VPS13A: variants seen among roughly 807,000 people sequenced by gnomAD.
The protein encoded by VPS13A is vacuolar protein sorting 13 homolog A.
VPS13A carries 264 observed loss-of-function variants against 390.9 expected under a neutral mutation model. The ratio of observed to expected loss-of-function variants is 0.68; its 90% CI spans 0.61 to 0.75. The LOEUF (loss-of-function observed/expected upper bound fraction) is 0.75, where lower values mean the gene tolerates loss of function less well. VPS13A is among the 30% of genes least tolerant of loss of function. The pLI is 0.00. For synonymous variants in VPS13A, 1,231 were observed against 1,227.1 expected (o/e 1.00, Z -0.07); for missense variants, 3,409 against 3,733.9 (o/e 0.91, Z 2.27).
In VPS13A at chr9:77,220,263, T is replaced by A. The variant is rs1307771361; in HGVS notation, c.883-14T>A. On this transcript the variant is annotated splice_polypyrimidine_tract_variant and intron_variant, in intron 11 of 71. Coordinates refer to ENST00000360280, the MANE Select transcript of VPS13A (RefSeq NM_033305.3). Reference sequence around the variant, plus strand: ...ATGTGATACATTTAAGAGCTTTAATTTTCCATTCTTTAGTATTTCAGTATT... The same window carrying A: ...ATGTGATACATTTAAGAGCTTTAATATTCCATTCTTTAGTATTTCAGTATT... 1 of 1,601,652 alleles carries A rather than the reference T, an allele frequency of 6.2e-7. No homozygotes were observed. The highest frequency in any genetic ancestry group is 8.5e-7 in the Non-Finnish European group (1 of 1,171,500).
chr9:77,297,022 T>C (rs150748684), intron 33 of VPS13A, among the ~76,000 whole-genome samples: 274 of 152,300 alleles, frequency 1.8e-3, no homozygotes, highest in Middle Eastern at 3.4e-3. Flanking sequence ...TCTGCCTTTG[T>C]ACTGATCAAT....
chr9:77,370,661 A>G (rs1278309218), intron 65 of VPS13A, 83 bp downstream of exon 65: 2 of 1,572,968 alleles, frequency 1.3e-6, no homozygotes, highest in Admixed American at 3.4e-5. Flanking sequence ...AATAGACATG[A>G]TTCTCACTCC....
At chr9:77,240,598 C>A (rs1824432405) in intron 19 of VPS13A, among the ~76,000 whole-genome samples, 2 of 150,936 alleles carry the variant, frequency 1.3e-5, no homozygotes, top group Non-Finnish European at 2.9e-5. Flanking sequence ...TTGCCTCAGC[C>A]TTCTGAGTAG....
intron 71 of VPS13A, among the ~76,000 whole-genome samples, chr9:77,412,148 C>T (rs1437512236): frequency 1.3e-5 from 2 of 152,106 alleles, no homozygotes; most frequent in African/African-American, 2.4e-5. Context: ...GATTCACAGC[C>T]GAATTCTACC....
chr9:77,255,767 G>A (rs1046336340), intron 22 of VPS13A, among the ~76,000 whole-genome samples: 5 of 151,920 alleles, frequency 3.3e-5, no homozygotes, highest in African/African-American at 1.2e-4. Flanking sequence ...TTTCATTTAA[G>A]GTTATCCATT....
At chr9:77,352,059 G>A (rs911261685) in intron 53 of VPS13A, among the ~76,000 whole-genome samples, 4 of 152,114 alleles carry the variant, frequency 2.6e-5, no homozygotes, top group African/African-American at 9.7e-5. Flanking sequence ...GTGTTATAAA[G>A]AATAAAGTTG....
chr9:77,385,224 A>C (rs1200668851), intron 68 of VPS13A: 1 of 858,600 alleles, frequency 1.2e-6, no homozygotes, highest in African/African-American at 1.8e-5. Context: ...TCCCCAAATC[A>C]TATAGATTGA....
intron 71 of VPS13A, among the ~76,000 whole-genome samples, chr9:77,409,388 G>A (rs1435867502): frequency 1.3e-5 from 2 of 152,186 alleles, no homozygotes; most frequent in African/African-American, 2.4e-5. Context: ...AAAAATCAGA[G>A]TACCTCTCCT....
intron 21 of VPS13A, 58 bp from the exon 22 acceptor site, chr9:77,252,177 T>G: frequency 7.4e-7 from 1 of 1,345,606 alleles, no homozygotes; most frequent in East Asian, 2.3e-5. Context: ...GTATTAATAG[T>G]TATTTTAGGT....
chr9:77,394,378 A>G (rs1027924705), intron 68 of VPS13A, among the ~76,000 whole-genome samples: 9 of 151,982 alleles, frequency 5.9e-5, no homozygotes, highest in Non-Finnish European at 1.2e-4. Context: ...GGGCTCTAGG[A>G]TTTTTGGAAT....
At chr9:77,202,274 A>G (rs913985207) in intron 3 of VPS13A, among the ~76,000 whole-genome samples, 2 of 152,126 alleles carry the variant, frequency 1.3e-5, no homozygotes, top group Non-Finnish European at 2.9e-5. Flanking sequence ...CCTTTTAAAG[A>G]CTGTTTACTG....
chr9:77,238,488 T>C lies in VPS13A; in HGVS notation c.1900+102T>C, dbSNP rs1824280824. The C allele has an allele frequency of 4.3e-6, 4 of 921,006 alleles. No homozygotes were observed. In the South Asian group the frequency reaches 5.9e-5, roughly 13 times the overall value. The allele number at this position is 921,006 out of a possible 1,614,324, so 57.1% of individuals were successfully genotyped here. ...AGTAAAGTTTATTTTAAATTTATTA[T>C]ATTTCTAGACTGGTTTTAGTTTAAC... On this transcript the variant is annotated intron_variant, in intron 19 of 71. Coordinates refer to ENST00000360280, the MANE Select transcript of VPS13A (RefSeq NM_033305.3).
intron 23 of VPS13A, among the ~76,000 whole-genome samples, chr9:77,261,042 C>T (rs1013215519): frequency 5.3e-5 from 8 of 151,804 alleles, no homozygotes; most frequent in South Asian, 2.1e-4. Flanking sequence ...GGATTACAGG[C>T]GCCCGCCACC....
intron 69 of VPS13A, among the ~76,000 whole-genome samples, chr9:77,403,896 G>A (rs912221656): frequency 2.2e-4 from 34 of 152,138 alleles, no homozygotes; most frequent in Admixed American, 1.6e-3. Flanking sequence ...GGGTGGTGGA[G>A]AGTGAAAATA....
At chr9:77,252,436 T>G in intron 22 of VPS13A, 84 bp downstream of exon 22, 1 of 1,094,282 alleles carries the variant, frequency 9.1e-7, no homozygotes, top group Non-Finnish European at 1.4e-6. Context: ...TGACTCTTCC[T>G]TGTGTGTGTG....
In VPS13A at chr9:77,403,320, C is replaced by A. The variant is rs146574121; in HGVS notation, c.9274C>A (p.Arg3092Ser). The A allele has an allele frequency of 3.1e-6, 5 of 1,608,924 alleles. No homozygotes were observed. The highest frequency in any genetic ancestry group is 4.2e-6 in the Non-Finnish European group (5 of 1,177,646). Residue 3092 changes from arginine (R) to serine (S), a missense_variant and splice_region_variant, in exon 69 of 72, where the codon CGT becomes AGT. Arg to Ser is a moderately radical substitution (Grantham distance 110, BLOSUM62 -1). Around this residue, in one of 5 missense-constraint regions of VPS13A, gnomAD observed 318 missense variants for 333.7 expected, o/e 0.95. Coordinates refer to ENST00000360280, the MANE Select transcript of VPS13A (RefSeq NM_033305.3). ...GACAGATATGCTAATGATAACCAGA[C>A]GGTAACTTGCTTTCTTTCTCTTACG... Reference protein sequence around the residue: ...NKTDMLMITRRGVLFVTKGTF... With the variant: ...NKTDMLMITRSGVLFVTKGTF...
chr9:77,390,369 A>T (rs1003107754), intron 68 of VPS13A, among the ~76,000 whole-genome samples: 1 of 152,134 alleles, frequency 6.6e-6, no homozygotes, highest in Non-Finnish European at 1.5e-5. Context: ...GTTTAGCAGG[A>T]ATCTCTTGGA....
intron 1 of VPS13A, among the ~76,000 whole-genome samples, chr9:77,182,468 C>T (rs1473901999): frequency 6.6e-6 from 1 of 152,072 alleles, no homozygotes; most frequent in African/African-American, 2.4e-5. Flanking sequence ...ACAGAACCTG[C>T]CCCCAGAGAT....
chr9:77,260,785 A>G (rs528967148), intron 23 of VPS13A, among the ~76,000 whole-genome samples: 1 of 152,338 alleles, frequency 6.6e-6, no homozygotes, highest in Admixed American at 6.5e-5. Context: ...AACACTGTTA[A>G]CTACTGCTTC....
Sources: allele counts gnomAD v4.1 joint callset (sites outside exome capture counted in the v4.1 genomes callset), GRCh38; gene constraint gnomAD v4.1.1; regional missense constraint gnomAD v4.1.1; transcripts MANE v1.5; gene names NCBI Gene and HGNC (gene_info 2026-07-23, HGNC 2026-07-21).